SKAP2: variants seen among roughly 807,000 people sequenced by gnomAD.
SKAP2 encodes the protein src kinase associated phosphoprotein 2.
Under a neutral mutation model 54.9 loss-of-function variants are expected in SKAP2, and 28 were observed. The observed-to-expected ratio is 0.51, with a 90% CI of 0.38 to 0.70. SKAP2 has a LOEUF of 0.70. Ranked by LOEUF, SKAP2 falls within the 30% of genes least tolerant of loss-of-function variation. SKAP2 has a pLI of 0.00. For synonymous variants in SKAP2, 137 were observed against 134.3 expected, an observed-to-expected ratio of 1.02 and a Z score of -0.14; for missense variants, 356 against 424.1, an observed-to-expected ratio of 0.84 and a Z score of 1.41.
intron 9 of SKAP2, among the ~76,000 whole-genome samples, chr7:26,709,781 T>C (rs1023544445): frequency 1.3e-5 from 2 of 152,174 alleles, no homozygotes. Context: ...CTGGGAAATG[T>C]CTTGCTCGAG....
chr7:26,690,658 T>C (rs1193841797), intron 9 of SKAP2, among the ~76,000 whole-genome samples: 1 of 152,184 alleles, frequency 6.6e-6, no homozygotes, highest in Non-Finnish European at 1.5e-5. Flanking sequence ...TTGGCAAAAT[T>C]TAAGATATGT....
chr7:26,797,163 CT>C (rs1783798346), intron 4 of SKAP2, among the ~76,000 whole-genome samples: 1 of 152,238 alleles, frequency 6.6e-6, no homozygotes, highest in South Asian at 2.1e-4. Context: ...ACAGTCCTGG[CT>C]GCTTTGCCAC....
chr7:26,751,270 A>G (rs1467096467), intron 4 of SKAP2, among the ~76,000 whole-genome samples: 3 of 152,182 alleles, frequency 2.0e-5, no homozygotes, highest in Non-Finnish European at 4.4e-5. Context: ...TAATATGAAT[A>G]AATAAACAAG....
intron 1 of SKAP2, among the ~76,000 whole-genome samples, chr7:26,856,968 T>C (rs394234): frequency 1 from 149,327 of 149,380 alleles, 74,637 homozygotes; most frequent in Middle Eastern, 1. Context: ...TTTATAAAAA[T>C]TCAGAAAAAA....
intron 4 of SKAP2, among the ~76,000 whole-genome samples, chr7:26,753,046 A>G (rs575261746): frequency 1.3e-5 from 2 of 152,200 alleles, no homozygotes; most frequent in Non-Finnish European, 2.9e-5. Flanking sequence ...TCATACTACA[A>G]TTTCAATATT....
At chr7:26,766,662 T>C (rs994285582) in intron 4 of SKAP2, among the ~76,000 whole-genome samples, 2 of 152,208 alleles carry the variant, frequency 1.3e-5, no homozygotes, top group African/African-American at 4.8e-5. Flanking sequence ...ACCTATTTTA[T>C]TGAGAGTTTT....
intron 4 of SKAP2, among the ~76,000 whole-genome samples, chr7:26,764,050 T>C (rs966160469): frequency 2.0e-5 from 3 of 152,100 alleles, no homozygotes; most frequent in African/African-American, 7.2e-5. Flanking sequence ...TTTAAAAAAA[T>C]AAATGAAGAT....
intron 2 of SKAP2, among the ~76,000 whole-genome samples, 179 bp from the exon 3 acceptor site, chr7:26,854,341 T>C (rs1785114088): frequency 1.3e-5 from 2 of 152,138 alleles, no homozygotes; most frequent in African/African-American, 4.8e-5. Flanking sequence ...TTAAATAAAA[T>C]AATTTTTAAG....
intron 4 of SKAP2, among the ~76,000 whole-genome samples, chr7:26,755,317 A>G (rs1782766157): frequency 7.0e-6 from 1 of 142,066 alleles, no homozygotes. Context: ...CTCACCAACC[A>G]AAGAAGTCAG....
rs1783489250 is a variant in SKAP2 at position 26,784,199 on chromosome 7, T to G, written c.308-44235A>C. ...TTTAAAGCCCTAAACATCTTCCTTTTGTTAAGCTGGTATACAAACCTTTAC... is the reference window on the plus strand; with the variant it reads ...TTTAAAGCCCTAAACATCTTCCTTTGGTTAAGCTGGTATACAAACCTTTAC... On this transcript the variant is annotated intron_variant, in intron 4 of 12. Transcript: ENST00000345317. Among the ~76,000 whole-genome samples the G allele has an allele frequency of 2.6e-5, 4 of 152,184 alleles. 1 individual carries two copies. The South Asian group carries it at 8.3e-4, about 32-fold the overall frequency.
chr7:26,794,060 A>C (rs1395796148), intron 4 of SKAP2, among the ~76,000 whole-genome samples: 2 of 152,228 alleles, frequency 1.3e-5, no homozygotes, highest in Non-Finnish European at 2.9e-5. Context: ...AACAAATTAA[A>C]AGCAAACAAG....
chr7:26,741,576 A>AATT lies in SKAP2; in HGVS notation c.308-1613_308-1612insAAT, dbSNP rs1782457083. Among the ~76,000 whole-genome samples the AATT allele has an allele frequency of 2.0e-4, 4 of 19,954 alleles. No individual in the cohort carries two copies. In the Admixed American group the frequency reaches 2.1e-3, roughly 11 times the overall value. 13.1% of individuals were successfully genotyped at this position (19,954 alleles called of 152,430 possible). A position where few individuals can be genotyped will look rare whatever the true frequency, so the allele number is the denominator to read the frequency against. Reference sequence around the variant, plus strand: ...TAAATAAATAAATAAATAAATAAATAAATTAATAAAATGAAATAACTAAAC... The same window carrying AATT: ...TAAATAAATAAATAAATAAATAAATAATTAATTAATAAAATGAAATAACTAAAC... On this transcript the variant is annotated intron_variant, in intron 4 of 12. Coordinates refer to ENST00000345317, the MANE Select transcript of SKAP2 (RefSeq NM_003930.5).
At chr7:26,784,101 C>A (rs1783486188) in intron 4 of SKAP2, among the ~76,000 whole-genome samples, 1 of 149,800 alleles carries the variant, frequency 6.7e-6, no homozygotes, top group Non-Finnish European at 1.5e-5. Context: ...TAGGGAGGCA[C>A]TAACCTTGGG....
At position 26,736,152 on chromosome 7, in the gene SKAP2, T is replaced by C. The variant is rs184671210; in HGVS notation, c.469+2643A>G. Among the ~76,000 whole-genome samples, 20 of 152,264 alleles carry C rather than the reference T, an allele frequency of 1.3e-4. No individual in the cohort carries two copies. In the South Asian group the frequency reaches 1.9e-3, roughly 14 times the overall value. ...CTGAGTAAAATAAGGCTTTGACCTA[T>C]GGGGGCTGCATTCCCAGGAGGTTAG... is the stretch of plus-strand genomic sequence containing the variant. On this transcript the variant is annotated intron_variant, in intron 6 of 12. Transcript: ENST00000345317.
intron 11 of SKAP2, among the ~76,000 whole-genome samples, chr7:26,678,069 C>A (rs766157168): frequency 3.0e-4 from 45 of 152,138 alleles, no homozygotes; most frequent in Non-Finnish European, 6.3e-4. Flanking sequence ...TTAATAGCTG[C>A]GTATCCTCAG....
chr7:26,785,666 TATA>T (rs1430623061), intron 4 of SKAP2, among the ~76,000 whole-genome samples: 1 of 152,104 alleles, frequency 6.6e-6, no homozygotes, highest in African/African-American at 2.4e-5. Flanking sequence ...TATACACCAT[TATA>T]ATAATAAGGA....
the SKAP2 span, among the ~76,000 whole-genome samples, chr7:26,657,562 G>A: frequency 6.6e-6 from 1 of 152,048 alleles, no homozygotes. Context: ...GACTAATTAT[G>A]GTAATTCATT....
At chr7:26,682,280 C>G (rs1786519992) in intron 11 of SKAP2, among the ~76,000 whole-genome samples, 1 of 152,130 alleles carries the variant, frequency 6.6e-6, no homozygotes, top group African/African-American at 2.4e-5. Flanking sequence ...TCAAGAGATT[C>G]CTAGCTGAAT....
intron 9 of SKAP2, among the ~76,000 whole-genome samples, chr7:26,717,216 C>T (rs55738636): frequency 6.6e-6 from 1 of 152,044 alleles, no homozygotes; most frequent in Non-Finnish European, 1.5e-5. Flanking sequence ...AGGATGGCTT[C>T]TAAGCAGGCA....
Sources: allele counts gnomAD v4.1 joint callset (sites outside exome capture counted in the v4.1 genomes callset), GRCh38; gene constraint gnomAD v4.1.1; transcripts MANE v1.5; gene names NCBI Gene and HGNC (gene_info 2026-07-23, HGNC 2026-07-21).